KCNG4: variants seen among roughly 807,000 people sequenced by gnomAD.
KCNG4 encodes the protein voltage-gated potassium channel regulatory subunit KCNG4.
In KCNG4, 30 loss-of-function variants were observed where a neutral mutation model predicts 28.2. The observed-to-expected ratio is 1.06, with a 90% confidence interval of 0.80 to 1.44. The LOEUF (loss-of-function observed/expected upper bound fraction) is 1.44, where lower values mean the gene tolerates loss of function less well. Ranked by LOEUF, KCNG4 falls within the 40% of genes most tolerant of loss-of-function variation. KCNG4 has a pLI of 0.00. For synonymous variants in KCNG4, 375 were observed against 315.5 expected, an observed-to-expected ratio of 1.19 and a Z score of -2.00; for missense variants, 879 against 712.3, an observed-to-expected ratio of 1.23 and a Z score of -2.66.
chr16:84,229,526 A>G (rs1159181336), intron 2 of KCNG4, among the ~76,000 whole-genome samples: 1 of 152,222 alleles, frequency 6.6e-6, no homozygotes, highest in Non-Finnish European at 1.5e-5. Flanking sequence ...CCGTGTGGGG[A>G]AGGCGGGCCG....
In KCNG4 at chr16:84,236,858, T is replaced by A. The variant is rs752026507; in HGVS notation, c.628A>T (p.Met210Leu). The change falls in exon 2 of 3, where the codon ATG (methionine) becomes TTG (leucine). Residue 210 changes from methionine to leucine, a missense_variant. Met to Leu is a conservative substitution (Grantham distance 15). Coordinates refer to ENST00000308251, the MANE Select transcript of KCNG4 (RefSeq NM_172347.3). Reference protein sequence around the residue: ...WGLCMNRLREMVENPQSGLPG... With the variant: ...WGLCMNRLRELVENPQSGLPG... ...AGCCCGGACTGCGGGTTTTCCACCATCTCGCGCAGCCGGTTCATGCACAGG... is the reference window on the plus strand; with the variant it reads ...AGCCCGGACTGCGGGTTTTCCACCAACTCGCGCAGCCGGTTCATGCACAGG... The A allele has an allele frequency of 2.5e-6, 4 of 1,613,548 alleles. No homozygotes were observed. The highest frequency in any genetic ancestry group is 1.7e-5 in the Admixed American group (1 of 60,026).
rs1298484379 is a variant in KCNG4, at chr16:84,226,751, TGCCTGTAATCCCA to T, written c.757-3744_757-3732del. Among the ~76,000 whole-genome samples, 1 of 127,456 alleles carries T rather than the reference TGCCTGTAATCCCA, an allele frequency of 7.8e-6. No individual in the cohort carries two copies. The highest frequency in any genetic ancestry group is 2.8e-5 in the African/African-American group (1 of 35,412). The allele number at this position is 127,456 out of a possible 152,430, so 83.6% of individuals were successfully genotyped here. ...AAAATTAGCCAGGCATGGTGACACA[TGCCTGTAATCCCA>T]GCTACTTGGCGGGCTGAGGCAGGAG... On this transcript the variant is annotated intron_variant, in intron 2 of 2. Coordinates refer to ENST00000308251, the MANE Select transcript of KCNG4 (RefSeq NM_172347.3). The surrounding 1 kb of genome is among the most constrained non-coding windows in gnomAD (Gnocchi z 4.1).
intron 2 of KCNG4, among the ~76,000 whole-genome samples, chr16:84,223,454 A>G (rs1024273801): frequency 6.6e-6 from 1 of 152,128 alleles, no homozygotes; most frequent in Non-Finnish European, 1.5e-5. Context: ...ACTCACCTAC[A>G]TCCCTCACCT....
chr16:84,230,051 CA>C (rs1904789927), intron 2 of KCNG4, among the ~76,000 whole-genome samples: 1 of 151,902 alleles, frequency 6.6e-6, no homozygotes, highest in East Asian at 1.9e-4. Context: ...AATGGCACCC[CA>C]AAAGGTGAGC....
chr16:84,238,492 T>G (rs1278582820), intron 1 of KCNG4, among the ~76,000 whole-genome samples: 3 of 152,198 alleles, frequency 2.0e-5, no homozygotes, highest in Admixed American at 6.5e-5. Context: ...CTCCTCCATG[T>G]TCGTTGCGTG....
rs191729288 is a variant in KCNG4 at position 84,233,215 on chromosome 16, T to C, written c.756+3515A>G. On this transcript the variant is annotated intron_variant, in intron 2 of 2. Transcript: ENST00000308251. ...ACCCCCATTTCATAGAGGAGGAAAC[T>C]GAGGCTCAAGGAGGTTAAGTGACTT... 3.4e-3 allele frequency among the ~76,000 whole-genome samples: 512 copies of C among 152,302 alleles called. 2 individuals are homozygous for C. Among genetic ancestry groups the C allele is most frequent in the African/African-American group, 0.012 (491 of 41,558 alleles).
intron 2 of KCNG4, among the ~76,000 whole-genome samples, chr16:84,224,694 G>T (rs1181565216): frequency 2.6e-5 from 4 of 152,222 alleles, no homozygotes; most frequent in African/African-American, 9.7e-5. Flanking sequence ...CTGGACTTCT[G>T]TGTGGACTAT....
chr16:84,235,369 G>A (rs567937020), intron 2 of KCNG4: 1 of 152,212 alleles, frequency 6.6e-6, no homozygotes, highest in African/African-American at 2.4e-5. Context: ...CTTAATCTTT[G>A]TACTGCAGAG....
chr16:84,232,152 GTCTT>G, intron 2 of KCNG4, among the ~76,000 whole-genome samples: 1 of 152,268 alleles, frequency 6.6e-6, no homozygotes, highest in African/African-American at 2.4e-5. Flanking sequence ...TTTGGAACGT[GTCTT>G]TCTATCTTCA....
chr16:84,238,354 G>A (rs753643870), intron 1 of KCNG4, among the ~76,000 whole-genome samples: 23 of 152,194 alleles, frequency 1.5e-4, no homozygotes, highest in East Asian at 5.8e-4. Context: ...TATGCTTAGC[G>A]AGCATCCAAG....
rs138425512 is a variant in KCNG4, at chr16:84,237,384, C to T, written c.102G>A (p.Pro34=). ...TCCGGTAGTAAAGGCCCTTGATGGA[C>T]GGCGTCTCCATGGGGCTGGACAGGA... ...SQLLSSPMET[P]SIKGLYYRRV... is the part of the protein sequence containing the mutation. Residue 34 remains proline (P), a synonymous_variant, in exon 2 of 3, where the codon CCG becomes CCA. Coordinates refer to ENST00000308251, the MANE Select transcript of KCNG4 (RefSeq NM_172347.3). 242 of 1,536,436 alleles carry T rather than the reference C, an allele frequency of 1.6e-4. 1 individual carries two copies. Among genetic ancestry groups the T allele is most frequent in the Admixed American group, 1.0e-3 (50 of 48,270 alleles).
chr16:84,230,010 T>C (rs1352823746), intron 2 of KCNG4, among the ~76,000 whole-genome samples: 1 of 151,928 alleles, frequency 6.6e-6, no homozygotes, highest in Non-Finnish European at 1.5e-5. Flanking sequence ...ACAGGGCCTC[T>C]TACTAAAGGG....
intron 2 of KCNG4, among the ~76,000 whole-genome samples, chr16:84,229,999 T>C (rs368218791): frequency 3.7e-4 from 56 of 152,082 alleles, no homozygotes; most frequent in African/African-American, 1.2e-3. Flanking sequence ...CTGGCTCTTG[T>C]ACAGGGCCTC....
intron 2 of KCNG4, among the ~76,000 whole-genome samples, chr16:84,231,972 C>T (rs1904837650): frequency 1.4e-5 from 2 of 145,912 alleles, no homozygotes; most frequent in African/African-American, 2.6e-5. Flanking sequence ...CCACTGCACT[C>T]CAACCTGGGT....
intron 1 of KCNG4, among the ~76,000 whole-genome samples, 153 bp from the exon 2 acceptor site, chr16:84,237,678 T>C (rs920169407): frequency 6.6e-6 from 1 of 152,164 alleles, no homozygotes; most frequent in Non-Finnish European, 1.5e-5. Context: ...TCAACACATA[T>C]TTATTGAGCA....
At position 84,222,600 on chromosome 16, in the gene KCNG4, C is replaced by T. The variant is rs368418364; in HGVS notation, c.1177G>A (p.Glu393Lys). 16 of 1,613,220 alleles carry T rather than the reference C, an allele frequency of 9.9e-6. No individual in the cohort carries two copies. The highest frequency in any genetic ancestry group is 1.6e-4 in the Middle Eastern group (1 of 6,084). ...TLFSPLVYVA[E>K]KESGRVLEFT... ...TCCAGCACCCGCCCGGACTCCTTCT[C>T]GGCCACGTAGACCAAAGGGGAGAAG... The change falls in exon 3 of 3, where the codon GAG (glutamate) becomes AAG (lysine). Residue 393 changes from glutamate (E) to lysine (K), a missense_variant. By Grantham distance (56) the Glu-to-Lys change is moderately conservative (BLOSUM62 1). Coordinates refer to ENST00000308251, the MANE Select transcript of KCNG4 (RefSeq NM_172347.3).
chr16:84,232,630 T>A (rs188877521), intron 2 of KCNG4, among the ~76,000 whole-genome samples: 1 of 152,254 alleles, frequency 6.6e-6, no homozygotes, highest in East Asian at 1.9e-4. Flanking sequence ...TGGGGTGCAG[T>A]GACTCACGCC....
intron 2 of KCNG4, among the ~76,000 whole-genome samples, chr16:84,227,492 A>T (rs1160303689): frequency 6.6e-6 from 1 of 152,058 alleles, no homozygotes; most frequent in East Asian, 1.9e-4. Flanking sequence ...CAGGAGAATC[A>T]CTTGAACTCA....
intron 1 of KCNG4, among the ~76,000 whole-genome samples, chr16:84,237,990 G>A (rs982855408): frequency 1.2e-4 from 19 of 152,298 alleles, no homozygotes; most frequent in Non-Finnish European, 2.5e-4. Context: ...GGCAGGGACC[G>A]ATCCCTTACA....
Sources: allele counts gnomAD v4.1 joint callset (sites outside exome capture counted in the v4.1 genomes callset), GRCh38; gene constraint gnomAD v4.1.1; non-coding constraint Gnocchi (gnomAD v3.1); transcripts MANE v1.5; gene names NCBI Gene and HGNC (gene_info 2026-07-23, HGNC 2026-07-21).